The following JMJD1C variants were observed in gnomAD, a reference collection of about 807,000 sequenced individuals.
JMJD1C encodes jumonji domain-containing protein 1C.
A neutral mutation model predicts 245.3 loss-of-function variants in JMJD1C; 31 were observed. That is an observed-to-expected ratio of 0.13 (90% confidence interval 0.09 to 0.17). The LOEUF (loss-of-function observed/expected upper bound fraction) is 0.17, where lower values mean the gene tolerates loss of function less well. JMJD1C is among the 10% of genes least tolerant of loss of function. The pLI is 1.00. For synonymous variants in JMJD1C, 1,057 were observed against 1,017.4 expected (o/e 1.04, Z -0.74); for missense variants, 2,691 against 3,000.2 (o/e 0.90, Z 2.41).
At chr10:63,375,698 G>C (rs1035720623) in intron 2 of JMJD1C, among the ~76,000 whole-genome samples, 7 of 151,982 alleles carry the variant, frequency 4.6e-5, no homozygotes, top group African/African-American at 1.7e-4. Context: ...CTATAGGCGT[G>C]AGCCACCACA....
intron 2 of JMJD1C, among the ~76,000 whole-genome samples, chr10:63,352,492 G>T (rs984779798): frequency 2.6e-5 from 4 of 151,862 alleles, no homozygotes; most frequent in African/African-American, 9.7e-5. Flanking sequence ...ACAAAAATTA[G>T]CTGGGCGTGA....
chr10:63,376,981 A>C (rs978937818), intron 2 of JMJD1C, among the ~76,000 whole-genome samples: 1 of 152,262 alleles, frequency 6.6e-6, no homozygotes, highest in African/African-American at 2.4e-5. Flanking sequence ...CCATGTTCAT[A>C]CCAGTATTAT....
chr10:63,217,283 G>C lies in JMJD1C; in HGVS notation c.602C>G (p.Ser201Cys). 6.2e-7 allele frequency: 1 copy of C among 1,611,246 alleles called. No individual in the cohort carries two copies. Among genetic ancestry groups the C allele is most frequent in the Non-Finnish European group, 8.5e-7 (1 of 1,177,810 alleles). The change falls in exon 5 of 26, where the codon TCT becomes TGT. Residue 201 changes from serine to cysteine, a missense_variant. Physicochemically the swap from Ser to Cys is moderately radical, Grantham distance 112 (BLOSUM62 -1). Around this residue, in one of 9 missense-constraint regions of JMJD1C, gnomAD observed 172 missense variants for 240.8 expected, o/e 0.71. Coordinates refer to ENST00000399262, the MANE Select transcript of JMJD1C (RefSeq NM_032776.3). The stretch of plus-strand genomic sequence containing the variant: ...TATGCCAGTAAACCACTGGGTGGCA[G>C]AGTCTTGTCTATATACTCTCACTCT... Reference protein sequence around the residue: ...GYRVRVYRQDSATQWFTGIIT... With the variant: ...GYRVRVYRQDCATQWFTGIIT...
At chr10:63,201,996 G>A (rs1310903126) in intron 10 of JMJD1C, among the ~76,000 whole-genome samples, 2 of 151,746 alleles carry the variant, frequency 1.3e-5, no homozygotes. Flanking sequence ...AGTGGCTCAT[G>A]CCTATCCCAG....
intron 19 of JMJD1C, 94 bp downstream of exon 19, chr10:63,186,121 T>A: frequency 1.1e-6 from 1 of 941,518 alleles, no homozygotes; most frequent in Non-Finnish European, 1.6e-6. Flanking sequence ...ATAAAACAGA[T>A]GTTTCAAAGA....
chr10:63,238,819 T>C (rs545697301), intron 3 of JMJD1C, among the ~76,000 whole-genome samples: 3 of 152,338 alleles, frequency 2.0e-5, no homozygotes, highest in South Asian at 2.1e-4. Flanking sequence ...TTATTAGGAA[T>C]ATATTTCATT....
chr10:63,272,942 T>C (rs1203301928), intron 2 of JMJD1C, among the ~76,000 whole-genome samples: 1 of 152,164 alleles, frequency 6.6e-6, no homozygotes, highest in African/African-American at 2.4e-5. Flanking sequence ...AGCTAAACCA[T>C]ACAATTGCCT....
chr10:63,204,398 T>C, intron 10 of JMJD1C: 1 of 985,156 alleles, frequency 1.0e-6, no homozygotes, highest in South Asian at 4.7e-5. Context: ...CGTCTCAAGA[T>C]GAAAAGAGAA....
chr10:63,350,574 G>A (rs1202826125), intron 2 of JMJD1C, among the ~76,000 whole-genome samples: 3 of 151,082 alleles, frequency 2.0e-5, no homozygotes, highest in South Asian at 4.2e-4. Context: ...AGGGAGTTAA[G>A]CAGTCACCCA....
intron 3 of JMJD1C, among the ~76,000 whole-genome samples, chr10:63,251,111 CT>C (rs1853008804): frequency 6.6e-6 from 1 of 152,090 alleles, no homozygotes; most frequent in African/African-American, 2.4e-5. Flanking sequence ...TGTTTTGGGC[CT>C]TTTGGCTTGA....
intron 1 of JMJD1C, among the ~76,000 whole-genome samples, chr10:63,477,354 A>G (rs1373850595): frequency 6.6e-6 from 1 of 151,458 alleles, no homozygotes; most frequent in African/African-American, 2.4e-5. Context: ...GTCTTACTAT[A>G]TAGCTGCAGT....
intron 1 of JMJD1C, among the ~76,000 whole-genome samples, chr10:63,409,304 G>C (rs1194935642): frequency 6.6e-6 from 1 of 152,144 alleles, no homozygotes; most frequent in African/African-American, 2.4e-5. Context: ...TGAGGCCACA[G>C]TCTCAACCAA....
chr10:63,340,400 C>T (rs1167967159), intron 2 of JMJD1C, among the ~76,000 whole-genome samples: 12 of 152,186 alleles, frequency 7.9e-5, no homozygotes, highest in Admixed American at 7.9e-4. Flanking sequence ...ATGTGCATTG[C>T]TCACTGTGTG....
At chr10:63,368,793 T>C (rs1420591080) in intron 2 of JMJD1C, among the ~76,000 whole-genome samples, 9 of 152,098 alleles carry the variant, frequency 5.9e-5, no homozygotes, top group Admixed American at 5.9e-4. Flanking sequence ...TTCAAGCGAT[T>C]TTCCTGCCTC....
At chr10:63,290,694 TA>T (rs940968715) in intron 2 of JMJD1C, among the ~76,000 whole-genome samples, 1 of 152,176 alleles carries the variant, frequency 6.6e-6, no homozygotes, top group Admixed American at 6.5e-5. Flanking sequence ...TACTCTGAGG[TA>T]CTTATTTATG....
intron 13 of JMJD1C, among the ~76,000 whole-genome samples, chr10:63,195,846 G>T (rs1235569653): frequency 6.6e-6 from 1 of 151,968 alleles, no homozygotes; most frequent in Non-Finnish European, 1.5e-5. Flanking sequence ...GGAGAATGGT[G>T]TGAACCCAGG....
intron 1 of JMJD1C, among the ~76,000 whole-genome samples, chr10:63,416,159 G>C (rs970951412): frequency 1.3e-5 from 2 of 152,036 alleles, no homozygotes; most frequent in East Asian, 3.8e-4. Flanking sequence ...GACGATACTT[G>C]CGATTAAATA....
chr10:63,180,769 AT>A (rs11318245), intron 22 of JMJD1C, among the ~76,000 whole-genome samples: 85,064 of 128,710 alleles, frequency 0.66, 28,230 homozygotes, highest in Non-Finnish European at 0.77. Context: ...TGCACAGCTA[AT>A]TTTTTTTTTT....
chr10:63,334,061 G>A (rs887920098), intron 2 of JMJD1C, among the ~76,000 whole-genome samples: 4 of 152,160 alleles, frequency 2.6e-5, no homozygotes, highest in African/African-American at 9.7e-5. Context: ...AACCTTCAGA[G>A]ACTGTACTGA....
Sources: allele counts gnomAD v4.1 joint callset (sites outside exome capture counted in the v4.1 genomes callset), GRCh38; gene constraint gnomAD v4.1.1; regional missense constraint gnomAD v4.1.1; transcripts MANE v1.5; gene names NCBI Gene and HGNC (gene_info 2026-07-23, HGNC 2026-07-21).